TM9SF2: variants seen among roughly 807,000 people sequenced by gnomAD.
TM9SF2 encodes 76 kDa membrane protein.
In TM9SF2, 13 loss-of-function variants were observed where a neutral mutation model predicts 84.9. That is an observed-to-expected ratio of 0.15 (90% CI 0.10 to 0.24). The LOEUF is 0.24. Ranked by LOEUF, TM9SF2 falls within the 10% of genes least tolerant of loss-of-function variation. TM9SF2 has a pLI of 1.00. For synonymous variants in TM9SF2, 273 were observed against 285.8 expected (o/e 0.96, Z 0.45); for missense variants, 562 against 818.5 (o/e 0.69, Z 3.82).
At chr13:99,516,925 TA>T (rs1486492506) in intron 1 of TM9SF2, among the ~76,000 whole-genome samples, 2 of 152,210 alleles carry the variant, frequency 1.3e-5, no homozygotes, top group Non-Finnish European at 2.9e-5. Context: ...AAAATTTGTT[TA>T]AAAATTTTTG....
At position 99,559,357 on chromosome 13, in the gene TM9SF2, A is replaced by G; in HGVS notation, c.1753-6A>G. 1 of 1,584,634 alleles carries G rather than the reference A, an allele frequency of 6.3e-7. No homozygotes were observed. Among genetic ancestry groups the G allele is most frequent in the African/African-American group, 1.4e-5 (1 of 73,542 alleles). On this transcript the variant is annotated splice_region_variant and splice_polypyrimidine_tract_variant and intron_variant, in intron 15 of 16. Transcript: ENST00000376387. ...TAATTCTTGTTCTTTTTTCTTTACTACCTAGGATTATCATTGGCAATGGCG... is the reference window on the plus strand; with the variant it reads ...TAATTCTTGTTCTTTTTTCTTTACTGCCTAGGATTATCATTGGCAATGGCG...
intron 1 of TM9SF2, among the ~76,000 whole-genome samples, chr13:99,506,620 A>G (rs185748626): frequency 1.3e-5 from 2 of 152,392 alleles, no homozygotes; most frequent in Non-Finnish European, 2.9e-5. Context: ...CAAGAAAGCA[A>G]CAAAAGTCTA....
intron 3 of TM9SF2, among the ~76,000 whole-genome samples, chr13:99,524,106 C>G (rs2046171778): frequency 6.6e-6 from 1 of 152,180 alleles, no homozygotes; most frequent in Non-Finnish European, 1.5e-5. Context: ...TCAGAGGCCA[C>G]TGTGAGGATT....
intron 9 of TM9SF2, 76 bp downstream of exon 9, chr13:99,541,743 G>T: frequency 1.1e-6 from 1 of 919,678 alleles, no homozygotes; most frequent in East Asian, 2.9e-5. Flanking sequence ...TAAAATAATA[G>T]CTTTAGAATC....
In TM9SF2 at chr13:99,504,311, T is replaced by C. The variant is rs532963700; in HGVS notation, c.171+2534T>C. ...ATTTTTTCCAAAAGATGCTGTTAAGTTAGTGAATCTGAAGTTGGAGAAATT... is the reference window on the plus strand; with the variant it reads ...ATTTTTTCCAAAAGATGCTGTTAAGCTAGTGAATCTGAAGTTGGAGAAATT... On this transcript the variant is annotated intron_variant, in intron 1 of 16. Coordinates refer to ENST00000376387, the MANE Select transcript of TM9SF2 (RefSeq NM_004800.3). Among the ~76,000 whole-genome samples, 7 of 152,306 alleles carry C rather than the reference T, an allele frequency of 4.6e-5. No homozygotes were observed. In the South Asian group the frequency reaches 1.5e-3, roughly 32 times the overall value.
chr13:99,563,671 G>C lies in TM9SF2; in HGVS notation c.*913G>C, dbSNP rs1264419344. 6.6e-6 allele frequency: 1 copy of C among 152,164 alleles called. No individual in the cohort carries two copies. The highest frequency in any genetic ancestry group is 1.5e-5 in the Non-Finnish European group (1 of 68,028). The allele number at this position is 152,164 out of a possible 1,614,324, so 9.4% of individuals were successfully genotyped here. A position where few individuals can be genotyped will look rare whatever the true frequency, so the allele number is the denominator to read the frequency against. Reference sequence around the variant, plus strand: ...AGCCTTACTACATTGTCATTAAGGAGTTTCTATTTTTGACTTGTTTTTCAA... The same window carrying C: ...AGCCTTACTACATTGTCATTAAGGACTTTCTATTTTTGACTTGTTTTTCAA... On this transcript the variant is annotated 3_prime_UTR_variant, in exon 17 of 17. Transcript: ENST00000376387.
At chr13:99,528,462 A>G (rs889555422) in intron 3 of TM9SF2, among the ~76,000 whole-genome samples, 2 of 152,190 alleles carry the variant, frequency 1.3e-5, no homozygotes, top group African/African-American at 4.8e-5. Flanking sequence ...TAGTCTTGCT[A>G]TTTCCTTCAC....
At chr13:99,554,572 C>T (rs1239676718) in intron 14 of TM9SF2, 117 bp downstream of exon 14, 25 of 1,145,706 alleles carry the variant, frequency 2.2e-5, no homozygotes, top group Non-Finnish European at 2.9e-5. Flanking sequence ...CTTCAGTAAC[C>T]AGAAATCTTA....
chr13:99,508,438 CA>C (rs1566562075), intron 1 of TM9SF2, among the ~76,000 whole-genome samples: 11 of 151,572 alleles, frequency 7.3e-5, no homozygotes, highest in South Asian at 2.1e-4. Flanking sequence ...CACACACACA[CA>C]CACACCCCAG....
intron 2 of TM9SF2, among the ~76,000 whole-genome samples, chr13:99,518,319 C>T (rs1006205526): frequency 6.6e-6 from 1 of 152,216 alleles, no homozygotes. Context: ...CCATGTTAGC[C>T]AGGCTGGTCT....
intron 2 of TM9SF2, among the ~76,000 whole-genome samples, chr13:99,518,782 T>A (rs2046146080): frequency 6.7e-6 from 1 of 149,996 alleles, no homozygotes; most frequent in African/African-American, 2.5e-5. Flanking sequence ...TTTTTTTTTT[T>A]TTTTAATTTT....
At chr13:99,537,154 T>C (rs1364306871) in intron 5 of TM9SF2, among the ~76,000 whole-genome samples, 1 of 152,088 alleles carries the variant, frequency 6.6e-6, no homozygotes, top group Non-Finnish European at 1.5e-5. Context: ...TATTTAAAAA[T>C]AGATTAATCA....
At chr13:99,502,417 C>G (rs1357121934) in intron 1 of TM9SF2, among the ~76,000 whole-genome samples, 2 of 152,126 alleles carry the variant, frequency 1.3e-5, no homozygotes, top group African/African-American at 4.8e-5. Context: ...GGTTGAGGCA[C>G]TTGATTTCTG....
At chr13:99,509,049 A>G (rs1566562277) in intron 1 of TM9SF2, among the ~76,000 whole-genome samples, 1 of 152,212 alleles carries the variant, frequency 6.6e-6, no homozygotes, top group African/African-American at 2.4e-5. Flanking sequence ...GAGACAAGGA[A>G]AGTCCCTTCT....
At chr13:99,505,336 A>G (rs1205387246) in intron 1 of TM9SF2, among the ~76,000 whole-genome samples, 1 of 152,070 alleles carries the variant, frequency 6.6e-6, no homozygotes, top group East Asian at 1.9e-4. Context: ...TATTTTTAGT[A>G]GAGATGGGGT....
intron 3 of TM9SF2, 23 bp downstream of exon 3, chr13:99,520,152 T>G (rs754766332): frequency 6.4e-7 from 1 of 1,571,004 alleles, no homozygotes; most frequent in East Asian, 2.3e-5. Flanking sequence ...TGTTACATAA[T>G]AATTATTTAC....
At chr13:99,508,143 C>T (rs957955188) in intron 1 of TM9SF2, among the ~76,000 whole-genome samples, 16 of 152,128 alleles carry the variant, frequency 1.1e-4, no homozygotes, top group African/African-American at 3.9e-4. Flanking sequence ...ATCAGTCTTG[C>T]TTTCTCTAAG....
At chr13:99,543,385 G>A (rs1365434793) in intron 9 of TM9SF2, among the ~76,000 whole-genome samples, 1 of 152,198 alleles carries the variant, frequency 6.6e-6, no homozygotes, top group Non-Finnish European at 1.5e-5. Flanking sequence ...TGTGGTATCT[G>A]GTGTTTTAAA....
intron 11 of TM9SF2, among the ~76,000 whole-genome samples, 185 bp from the exon 12 acceptor site, chr13:99,548,980 A>G (rs553028772): frequency 6.6e-6 from 1 of 152,342 alleles, no homozygotes; most frequent in East Asian, 1.9e-4. Flanking sequence ...AGGGAATCCC[A>G]TCCTGTATGT....
Sources: gnomAD v4.1 joint callset for allele counts (sites outside exome capture counted in the v4.1 genomes callset) on GRCh38, gnomAD v4.1.1 for gene constraint, MANE v1.5 for transcripts, NCBI Gene and HGNC (gene_info 2026-07-23, HGNC 2026-07-21) for gene names.